The following SNTG1 variants were observed in gnomAD, a reference collection of about 807,000 sequenced individuals.
SNTG1 encodes the protein gamma-1-syntrophin.
A neutral mutation model predicts 74.7 loss-of-function variants in SNTG1; 39 were observed. The ratio of observed to expected loss-of-function variants is 0.52; its 90% CI spans 0.40 to 0.68. The LOEUF is 0.68. Ranked by LOEUF, SNTG1 falls within the 30% of genes least tolerant of loss-of-function variation. The pLI is 0.00. For synonymous variants in SNTG1, 254 were observed against 217.1 expected (o/e 1.17, Z -1.49); for missense variants, 685 against 609.5 (o/e 1.12, Z -1.30).
chr8:50,142,883 C>T (rs961413445), intron 1 of SNTG1, among the ~76,000 whole-genome samples: 12 of 151,978 alleles, frequency 7.9e-5, no homozygotes, highest in African/African-American at 2.9e-4. Flanking sequence ...ACCAGCCTGG[C>T]CAACATAGTG....
At chr8:50,352,467 T>G (rs183121470) in intron 2 of SNTG1, among the ~76,000 whole-genome samples, 1 of 152,182 alleles carries the variant, frequency 6.6e-6, no homozygotes, top group East Asian at 1.9e-4. Flanking sequence ...CTCGGCTCAC[T>G]GCAACCTCCA....
At chr8:49,968,151 G>T (rs868110423) in intron 1 of SNTG1, among the ~76,000 whole-genome samples, 6 of 152,008 alleles carry the variant, frequency 3.9e-5, no homozygotes, top group Admixed American at 1.3e-4. Context: ...AAAGATTTTG[G>T]GCAGAGCAGA....
chr8:50,183,918 A>T (rs553426547), intron 2 of SNTG1, among the ~76,000 whole-genome samples: 2 of 152,270 alleles, frequency 1.3e-5, no homozygotes, highest in East Asian at 3.9e-4. Context: ...AAAATTACTT[A>T]TCTATTAAGA....
intron 4 of SNTG1, among the ~76,000 whole-genome samples, chr8:50,410,725 A>ACTTTTTTTTAGATTATGCATGTGCGAGG (rs2092937592): frequency 6.6e-6 from 1 of 152,016 alleles, no homozygotes; most frequent in African/African-American, 2.4e-5. Flanking sequence ...TGTGGATTGG[A>ACTTTTTTTTAGATTATGCATGTGCGAGG]CTTTTTTTTA....
intron 2 of SNTG1, among the ~76,000 whole-genome samples, chr8:50,328,374 G>GT (rs113575406): frequency 0.065 from 9,910 of 152,022 alleles, 350 homozygotes; most frequent in African/African-American, 0.071. Flanking sequence ...TGGTGTATTA[G>GT]TTTTTTTTGA....
At chr8:50,372,016 A>T (rs1462068867) in intron 2 of SNTG1, among the ~76,000 whole-genome samples, 1 of 152,100 alleles carries the variant, frequency 6.6e-6, no homozygotes, top group African/African-American at 2.4e-5. Context: ...ATCCACTTAC[A>T]TTTACAGTAA....
At chr8:50,587,878 G>A (rs1479747144) in intron 12 of SNTG1, among the ~76,000 whole-genome samples, 1 of 151,990 alleles carries the variant, frequency 6.6e-6, no homozygotes, top group Non-Finnish European at 1.5e-5. Context: ...TTGGGAGGCC[G>A]AGGCGGGCGG....
chr8:50,565,111 G>A (rs1435208186), intron 12 of SNTG1, among the ~76,000 whole-genome samples: 1 of 151,912 alleles, frequency 6.6e-6, no homozygotes, highest in Non-Finnish European at 1.5e-5. Flanking sequence ...AAAGATAGTG[G>A]ACAATCCCAA....
At position 50,402,260 on chromosome 8, in the gene SNTG1, A is replaced by G; in HGVS notation, c.78A>G (p.Lys26=). The change falls in exon 4 of 19, where the codon AAA becomes AAG. Residue 26 remains lysine, a synonymous_variant. Coordinates refer to ENST00000642720, the MANE Select transcript of SNTG1 (RefSeq NM_018967.5). The part of the protein sequence containing the change: ...LLQDGNQEPF[K]VRLHLAKDIL... ...AGGATGGTAACCAGGAGCCTTTCAA[A>G]GTGCGGCTGCACCTAGCCAAAGACA... is the stretch of plus-strand genomic sequence containing the variant. 6.2e-7 allele frequency: 1 copy of G among 1,613,258 alleles called. No homozygotes were observed. The highest frequency in any genetic ancestry group is 8.5e-7 in the Non-Finnish European group (1 of 1,179,808).
At chr8:49,934,298 TC>T (rs1274552546) in intron 1 of SNTG1, among the ~76,000 whole-genome samples, 2 of 149,556 alleles carry the variant, frequency 1.3e-5, no homozygotes, top group Non-Finnish European at 2.9e-5. Context: ...TATCTATCTA[TC>T]TATCTATCTA....
chr8:49,922,991 G>T (rs223081), intron 1 of SNTG1, among the ~76,000 whole-genome samples: 24,982 of 152,074 alleles, frequency 0.16, 2,250 homozygotes, highest in Middle Eastern at 0.21. Flanking sequence ...ATTTCCTGCT[G>T]TGGTAGATAT....
At position 50,678,489 on chromosome 8, in the gene SNTG1, A is replaced by G. The variant is rs189025214; in HGVS notation, c.1038+19826A>G. Among the ~76,000 whole-genome samples, 207 of 152,234 alleles carry G rather than the reference A, an allele frequency of 1.4e-3. 2 individuals are homozygous for G. The highest frequency in any genetic ancestry group is 0.01 in the Middle Eastern group (3 of 294). Reference sequence around the variant, plus strand: ...GGCTGTAATGTTTACAAGTGTGTCAACATATTTATATTGTTTGAAATGGAT... The same window carrying G: ...GGCTGTAATGTTTACAAGTGTGTCAGCATATTTATATTGTTTGAAATGGAT... On this transcript the variant is annotated intron_variant, in intron 15 of 18. Transcript: ENST00000642720.
intron 2 of SNTG1, among the ~76,000 whole-genome samples, chr8:50,296,622 G>A (rs1245878302): frequency 2.0e-5 from 3 of 152,092 alleles, no homozygotes; most frequent in African/African-American, 7.2e-5. Flanking sequence ...GAGGATGGAG[G>A]GCAAGGGGAG....
At chr8:50,583,947 A>G (rs1388601207) in intron 12 of SNTG1, among the ~76,000 whole-genome samples, 1 of 151,734 alleles carries the variant, frequency 6.6e-6, no homozygotes, top group Non-Finnish European at 1.5e-5. Context: ...GACAGGCCCC[A>G]GAGTGTGATG....
At chr8:50,507,900 GTTCAA>G (rs2094022875) in intron 9 of SNTG1, among the ~76,000 whole-genome samples, 1 of 145,282 alleles carries the variant, frequency 6.9e-6, no homozygotes, top group South Asian at 2.2e-4. Flanking sequence ...TGTTCTCATT[GTTCAA>G]TTCCCACCTT....
intron 1 of SNTG1, among the ~76,000 whole-genome samples, chr8:50,032,320 T>C (rs1219903260): frequency 1.3e-5 from 2 of 152,102 alleles, no homozygotes; most frequent in African/African-American, 2.4e-5. Context: ...TATTTCTTTT[T>C]TCTTTACTTG....
rs367797480 is a variant in SNTG1 at position 50,508,382 on chromosome 8, C to T, written c.466+5502C>T. On this transcript the variant is annotated intron_variant, in intron 9 of 18. Transcript: ENST00000642720. ...TGTGAATAGTGCCACAATAAACATA[C>T]GTGTGCATGTGTCTTTATAGCAGCA... Among the ~76,000 whole-genome samples the T allele has an allele frequency of 1.3e-4, 20 of 152,226 alleles. No homozygotes were observed. The East Asian group carries it at 3.5e-3, about 26-fold the overall frequency.
intron 17 of SNTG1, among the ~76,000 whole-genome samples, chr8:50,719,245 A>C (rs904793808): frequency 2.6e-5 from 4 of 152,196 alleles, no homozygotes; most frequent in African/African-American, 9.7e-5. Flanking sequence ...CATTAGGAGG[A>C]GAGCCTTTCG....
intron 2 of SNTG1, among the ~76,000 whole-genome samples, chr8:50,209,180 G>T (rs969003336): frequency 6.6e-6 from 1 of 152,110 alleles, no homozygotes; most frequent in Non-Finnish European, 1.5e-5. Context: ...GGGGAGGGGT[G>T]CCCGCCATTG....
Sources: allele counts gnomAD v4.1 joint callset (sites outside exome capture counted in the v4.1 genomes callset), GRCh38; gene constraint gnomAD v4.1.1; transcripts MANE v1.5; gene names NCBI Gene and HGNC (gene_info 2026-07-23, HGNC 2026-07-21).